Variants in TNFRSF8 observed in about 807,000 individuals in gnomAD.
TNFRSF8 encodes the protein tumor necrosis factor receptor superfamily member 8.
Under a neutral mutation model 70.8 loss-of-function variants are expected in TNFRSF8, and 26 were observed. That is an observed-to-expected ratio of 0.37 (90% CI 0.27 to 0.51). The LOEUF (loss-of-function observed/expected upper bound fraction) is 0.51. Among genes scored for constraint, TNFRSF8 ranks in the 20% least tolerant of loss-of-function variants. The pLI, the probability that TNFRSF8 is intolerant of heterozygous loss-of-function variation, is 0.94. For synonymous variants in TNFRSF8, 356 were observed against 339.2 expected (o/e 1.05, Z -0.54); for missense variants, 720 against 807.9 (o/e 0.89, Z 1.32).
intron 12 of TNFRSF8, 137 bp downstream of exon 12, chr1:12,126,373 G>T: frequency 1.0e-6 from 1 of 973,568 alleles, no homozygotes; most frequent in South Asian, 1.4e-5. Context: ...GTCGCATTCT[G>T]TACATCTGTA....
chr1:12,094,704 C>A (rs1232233304), intron 2 of TNFRSF8, among the ~76,000 whole-genome samples: 2 of 149,952 alleles, frequency 1.3e-5, no homozygotes, highest in Non-Finnish European at 2.9e-5. Flanking sequence ...CGGCTCACTG[C>A]AACCTCCGCC....
At chr1:12,104,353 C>A in intron 3 of TNFRSF8, 26 bp from the exon 4 acceptor site, 1 of 1,614,018 alleles carries the variant, frequency 6.2e-7, no homozygotes, top group South Asian at 1.1e-5. Flanking sequence ...CTGTTCCCCT[C>A]TGTGACCCCT....
In TNFRSF8 at chr1:12,104,678, A is replaced by T. The variant is rs1354461040; in HGVS notation, c.421+147A>T. ...TGTCTCCTTTGGCGATGGGCCAGGG[A>T]TGTACCCAGCACCCAGCCCTTCTGC... On this transcript the variant is annotated intron_variant, in intron 4 of 14. Transcript: ENST00000263932. The T allele has an allele frequency of 5.8e-6, 6 of 1,028,934 alleles. No homozygotes were observed. In the South Asian group the frequency reaches 6.2e-5, roughly 11 times the overall value. The allele number at this position is 1,028,934 out of a possible 1,614,324, so 63.7% of individuals were successfully genotyped here.
intron 12 of TNFRSF8, among the ~76,000 whole-genome samples, chr1:12,132,760 C>A: frequency 6.7e-6 from 1 of 149,594 alleles, no homozygotes; most frequent in South Asian, 2.1e-4. Context: ...ATCGCTTAAA[C>A]CCCAGAGGCA....
rs1641602004 is a variant in TNFRSF8 at position 12,110,108 on chromosome 1, G to A, written c.580G>A (p.Val194Ile). The A allele has an allele frequency of 3.1e-6, 5 of 1,613,272 alleles. No homozygotes were observed. The highest frequency in any genetic ancestry group is 4.2e-6 in the Non-Finnish European group (5 of 1,179,626). Residue 194 changes from valine (V) to isoleucine (I), a missense_variant, in exon 6 of 15, where the codon GTA becomes ATA. Physicochemically the swap from Val to Ile is conservative, Grantham distance 29. Transcript: ENST00000263932. This position sits in a 1 kb window ranked among gnomAD's most constrained non-coding sequence, Gnocchi z 4.0. ...AACCTCCAGTGCCAGCACCATGCCT[G>A]TAAGAGGGGGCACCCGCCTCGCCCA... ...PATSSASTMPVRGGTRLAQEA... is the reference protein window; with the variant it reads ...PATSSASTMPIRGGTRLAQEA...
chr1:12,097,880 T>C (rs1401149825), intron 3 of TNFRSF8, among the ~76,000 whole-genome samples: 2 of 152,220 alleles, frequency 1.3e-5, no homozygotes, highest in Non-Finnish European at 2.9e-5. Flanking sequence ...TATAAAGTTC[T>C]CTACATATCT....
chr1:12,077,022 T>C (rs114629210), intron 1 of TNFRSF8, among the ~76,000 whole-genome samples: 265 of 152,282 alleles, frequency 1.7e-3, no homozygotes, highest in African/African-American at 5.9e-3. Context: ...GCTGAAGAGA[T>C]TCTCCCATCT....
At position 12,123,844 on chromosome 1, in the gene TNFRSF8, AC is replaced by A. The variant is rs1557600086; in HGVS notation, c.1153+18del. On this transcript the variant is annotated intron_variant, in intron 10 of 14. Transcript: ENST00000263932. Reference sequence around the variant, plus strand: ...TGGATGCAGGTAATGGTCCCAGCCCACTCACCCCTACTCCCAGCAGGGGCTT... The same window carrying A: ...TGGATGCAGGTAATGGTCCCAGCCCATCACCCCTACTCCCAGCAGGGGCTT... The A allele has an allele frequency of 3.9e-6, 6 of 1,540,568 alleles. No homozygotes were observed. Among genetic ancestry groups the A allele is most frequent in the South Asian group, 2.4e-5 (2 of 83,858 alleles).
chr1:12,092,781 TA>T (rs1186054599), intron 2 of TNFRSF8, among the ~76,000 whole-genome samples: 1 of 151,866 alleles, frequency 6.6e-6, no homozygotes. Context: ...GTGCTGGGAT[TA>T]TAGGTGTGAG....
rs575741975 is a variant in TNFRSF8, at chr1:12,112,137, G to A, written c.793+123G>A. 6 of 634,498 alleles carry A rather than the reference G, an allele frequency of 9.5e-6. No individual in the cohort carries two copies. The East Asian group carries it at 1.7e-4, about 18-fold the overall frequency. The allele number at this position is 634,498 out of a possible 1,614,324, so 39.3% of individuals were successfully genotyped here. On this transcript the variant is annotated intron_variant, in intron 7 of 14. Transcript: ENST00000263932. This position sits in a 1 kb window ranked among gnomAD's most constrained non-coding sequence, Gnocchi z 5.3. ...GATGGGGGTCGCCTCTTTTCAGAGG[G>A]CTTCCATTGGCATATTATTTCCTTC... is the stretch of plus-strand genomic sequence containing the variant.
At chr1:12,111,275 G>C (rs1641624841) in intron 6 of TNFRSF8, among the ~76,000 whole-genome samples, 1 of 151,968 alleles carries the variant, frequency 6.6e-6, no homozygotes, top group Non-Finnish European at 1.5e-5. Context: ...TCCGCCTCCT[G>C]GGTTCAAGCA....
At chr1:12,140,383 G>C (rs920807014) in intron 14 of TNFRSF8, among the ~76,000 whole-genome samples, 2 of 152,118 alleles carry the variant, frequency 1.3e-5, no homozygotes, top group East Asian at 3.9e-4. Flanking sequence ...TCTGTACATC[G>C]TCCCTCTTCC....
intron 6 of TNFRSF8, among the ~76,000 whole-genome samples, chr1:12,111,406 T>C (rs1373965068): frequency 4.6e-5 from 7 of 151,996 alleles, no homozygotes. Flanking sequence ...GGTCACAAAC[T>C]CCTGGCCTCA....
chr1:12,068,775 C>T (rs1640785680), intron 1 of TNFRSF8, among the ~76,000 whole-genome samples: 1 of 152,126 alleles, frequency 6.6e-6, no homozygotes, highest in Non-Finnish European at 1.5e-5. Context: ...CCCCCCGTGA[C>T]AGGATGCTTG....
chr1:12,081,761 C>G (rs1439949850), intron 1 of TNFRSF8, among the ~76,000 whole-genome samples: 2 of 152,210 alleles, frequency 1.3e-5, no homozygotes. Flanking sequence ...TCACTGCTCC[C>G]TCGAGTGGAG....
At chr1:12,123,138 A>T in intron 8 of TNFRSF8, 146 bp from the exon 9 acceptor site, 2 of 666,760 alleles carry the variant, frequency 3.0e-6, no homozygotes, top group Non-Finnish European at 5.0e-6. Context: ...CAGCTTTTCC[A>T]CTTTGATCTT....
In TNFRSF8 at chr1:12,108,591, A is replaced by G. The variant is rs995236782; in HGVS notation, c.422-975A>G. Reference sequence around the variant, plus strand: ...ATCCCAGCACTTTGGGAGGCTGAGGAGGGTGGATCACCTGAGGTCAGGAGT... The same window carrying G: ...ATCCCAGCACTTTGGGAGGCTGAGGGGGGTGGATCACCTGAGGTCAGGAGT... On this transcript the variant is annotated intron_variant, in intron 4 of 14. Transcript: ENST00000263932. This position sits in a 1 kb window ranked among gnomAD's most constrained non-coding sequence, Gnocchi z 4.0. Among the ~76,000 whole-genome samples the G allele has an allele frequency of 6.6e-6, 1 of 151,684 alleles. No homozygotes were observed. The highest frequency in any genetic ancestry group is 1.5e-5 in the Non-Finnish European group (1 of 67,928).
chr1:12,104,683 C>T, intron 4 of TNFRSF8, 152 bp downstream of exon 4: 5 of 950,460 alleles, frequency 5.3e-6, no homozygotes, highest in South Asian at 3.2e-5. Flanking sequence ...CAGGGATGTA[C>T]CCAGCACCCA....
In TNFRSF8 at chr1:12,108,219, CAG is replaced by C. The variant is rs1280075020; in HGVS notation, c.422-1346_422-1345del. On this transcript the variant is annotated intron_variant, in intron 4 of 14. Transcript: ENST00000263932. The surrounding 1 kb of genome is among the most constrained non-coding windows in gnomAD (Gnocchi z 4.0). ...TCAGCCTCCTGAGTAGCTGGGATTA[CAG>C]GTACCTGCCACCATGCCCGGCTAAT... Among the ~76,000 whole-genome samples, 1 of 151,920 alleles carries C rather than the reference CAG, an allele frequency of 6.6e-6. No homozygotes were observed. The highest frequency in any genetic ancestry group is 1.5e-5 in the Non-Finnish European group (1 of 67,994).
Sources: gnomAD v4.1 joint callset for allele counts (sites outside exome capture counted in the v4.1 genomes callset) on GRCh38, gnomAD v4.1.1 for gene constraint, Gnocchi (gnomAD v3.1) non-coding constraint, MANE v1.5 for transcripts, NCBI Gene and HGNC (gene_info 2026-07-23, HGNC 2026-07-21) for gene names.